Variants in RAB3GAP2 observed in about 807,000 individuals in gnomAD.
RAB3GAP2 encodes rab3 GTPase-activating protein non-catalytic subunit.
Under a neutral mutation model 185.3 loss-of-function variants are expected in RAB3GAP2, and 87 were observed. The ratio of observed to expected loss-of-function variants is 0.47; its 90% CI spans 0.39 to 0.56. RAB3GAP2 has a LOEUF of 0.56. Among genes scored for constraint, RAB3GAP2 ranks in the 20% least tolerant of loss-of-function variants. The pLI is 0.00. For missense variants in RAB3GAP2, 1,492 were observed against 1,638.2 expected (o/e 0.91, Z 1.54); for synonymous variants, 554 against 576.1 (o/e 0.96, Z 0.55).
At position 220,210,441 on chromosome 1, in the gene RAB3GAP2, G is replaced by A; in HGVS notation, c.559C>T (p.Gln187Ter). 1 of 1,614,054 alleles carries A rather than the reference G, an allele frequency of 6.2e-7. No homozygotes were observed. The highest frequency in any genetic ancestry group is 8.5e-7 in the Non-Finnish European group (1 of 1,179,968). ...ATTTCATAGGTTCTGCATTTAAGTT[G>A]AAGTACTGGGTCCTCATTCAAAAGC... Reference protein sequence around the residue: ...AQLLNEDPVLQLKCRTYEIPR... With the variant: ...AQLLNEDPVL Residue 187 changes from glutamine to a stop codon, truncating the protein, a stop_gained, in exon 7 of 35, where the codon CAA (glutamine) becomes TAA (stop). Coordinates refer to ENST00000358951, the MANE Select transcript of RAB3GAP2 (RefSeq NM_012414.4). LOFTEE classifies it high-confidence loss of function.
intron 9 of RAB3GAP2, 52 bp downstream of exon 9, chr1:220,202,224 A>G (rs768302043): frequency 6.4e-7 from 1 of 1,571,616 alleles, no homozygotes; most frequent in Non-Finnish European, 8.7e-7. Flanking sequence ...AGATACTTCA[A>G]TAAAAAGTGT....
chr1:220,162,294 T>C (rs375891950), intron 27 of RAB3GAP2, 26 bp from the exon 28 acceptor site: 35 of 1,461,256 alleles, frequency 2.4e-5, no homozygotes, highest in Admixed American at 1.0e-4. Flanking sequence ...AAGTAGTAAA[T>C]AGAATGCTTA....
chr1:220,199,428 G>GT (rs757347830), intron 9 of RAB3GAP2, among the ~76,000 whole-genome samples: 4 of 152,126 alleles, frequency 2.6e-5, no homozygotes, highest in Non-Finnish European at 5.9e-5. Flanking sequence ...CCATTCTACT[G>GT]TAACTTTCAT....
At chr1:220,201,527 T>A (rs963470366) in intron 9 of RAB3GAP2, among the ~76,000 whole-genome samples, 10 of 152,070 alleles carry the variant, frequency 6.6e-5, no homozygotes, top group African/African-American at 2.2e-4. Flanking sequence ...TGAGACAGAG[T>A]CTCGCTCTGT....
chr1:220,266,337 G>C (rs1660225634), intron 1 of RAB3GAP2: 1 of 370,272 alleles, frequency 2.7e-6, no homozygotes, highest in Admixed American at 3.8e-5. Context: ...TTATTGGACA[G>C]CTCCTTAACC....
intron 1 of RAB3GAP2, among the ~76,000 whole-genome samples, chr1:220,270,443 C>T (rs1475732753): frequency 2.6e-5 from 4 of 152,230 alleles, no homozygotes; most frequent in Admixed American, 2.0e-4. Context: ...GATGTCCTTA[C>T]TTGGACATAC....
At chr1:220,228,621 A>C (rs1659445482) in intron 2 of RAB3GAP2, among the ~76,000 whole-genome samples, 1 of 152,222 alleles carries the variant, frequency 6.6e-6, no homozygotes, top group Non-Finnish European at 1.5e-5. Flanking sequence ...AACTTGAACA[A>C]CTAGATAACC....
chr1:220,247,460 G>A (rs114876169), intron 1 of RAB3GAP2, among the ~76,000 whole-genome samples: 10,468 of 152,188 alleles, frequency 0.069, 481 homozygotes, highest in South Asian at 0.12. Context: ...GCAGCACCTT[G>A]GATGGAGCTG....
chr1:220,232,693 C>T, intron 2 of RAB3GAP2, 106 bp downstream of exon 2: 1 of 1,051,804 alleles, frequency 9.5e-7, no homozygotes, highest in Non-Finnish European at 1.5e-6. Context: ...CAAAAATATT[C>T]TTGACATCGA....
chr1:220,163,740 C>CATATATATATATATATATAT (rs1274317823), intron 27 of RAB3GAP2, among the ~76,000 whole-genome samples: 1 of 90,160 alleles, frequency 1.1e-5, no homozygotes, highest in Non-Finnish European at 2.0e-5. Context: ...TATATAAATA[C>CATATATATATATATATATAT]ATACATATAT....
intron 2 of RAB3GAP2, among the ~76,000 whole-genome samples, chr1:220,230,496 C>T (rs1198989050): frequency 6.6e-6 from 1 of 152,182 alleles, no homozygotes; most frequent in African/African-American, 2.4e-5. Flanking sequence ...TCAACACATC[C>T]TAATTCTCCT....
At chr1:220,256,035 G>A (rs1264410266) in intron 1 of RAB3GAP2, among the ~76,000 whole-genome samples, 1 of 152,108 alleles carries the variant, frequency 6.6e-6, no homozygotes, top group Non-Finnish European at 1.5e-5. Context: ...CAGAGAGAAA[G>A]GCCAGGTCAC....
chr1:220,190,306 A>G (rs1158592016), intron 15 of RAB3GAP2, 71 bp downstream of exon 15: 3 of 1,596,206 alleles, frequency 1.9e-6, no homozygotes, highest in Non-Finnish European at 8.6e-7. Context: ...TACAAAAGAG[A>G]GTACAACAAA....
intron 24 of RAB3GAP2, among the ~76,000 whole-genome samples, chr1:220,170,423 A>G (rs1348725168): frequency 6.6e-6 from 1 of 152,196 alleles, no homozygotes; most frequent in Non-Finnish European, 1.5e-5. Flanking sequence ...TAATAATAAA[A>G]AAGTAGTTAT....
intron 8 of RAB3GAP2, among the ~76,000 whole-genome samples, chr1:220,204,417 T>G (rs1208369788): frequency 6.6e-6 from 1 of 152,188 alleles, no homozygotes; most frequent in Non-Finnish European, 1.5e-5. Flanking sequence ...CAATTTTCCG[T>G]AGGTAAGAAG....
intron 21 of RAB3GAP2, among the ~76,000 whole-genome samples, chr1:220,181,964 G>A (rs1658414682): frequency 6.6e-6 from 1 of 151,814 alleles, no homozygotes; most frequent in African/African-American, 2.4e-5. Flanking sequence ...AGCCCAGGAG[G>A]TTGGGGCCAC....
intron 9 of RAB3GAP2, among the ~76,000 whole-genome samples, chr1:220,201,845 G>A (rs1658865858): frequency 6.6e-6 from 1 of 152,022 alleles, no homozygotes; most frequent in Non-Finnish European, 1.5e-5. Flanking sequence ...CTAACTTCCA[G>A]ATGTCTCACT....
chr1:220,272,071 AG>A, intron 1 of RAB3GAP2, 151 bp downstream of exon 1: 2 of 718,708 alleles, frequency 2.8e-6, no homozygotes, highest in Non-Finnish European at 5.0e-6. Flanking sequence ...CGAGGTGGGC[AG>A]GGTGTCATCC....
chr1:220,237,413 CA>C (rs1213000080), intron 1 of RAB3GAP2, among the ~76,000 whole-genome samples: 1 of 152,212 alleles, frequency 6.6e-6, no homozygotes, highest in Non-Finnish European at 1.5e-5. Context: ...TCCAATCTAA[CA>C]AAATTGGTCA....
Sources: gnomAD v4.1 joint callset for allele counts (sites outside exome capture counted in the v4.1 genomes callset) on GRCh38, gnomAD v4.1.1 for gene constraint, MANE v1.5 for transcripts, NCBI Gene and HGNC (gene_info 2026-07-23, HGNC 2026-07-21) for gene names.